Variants in PPM1A observed in about 807,000 individuals in gnomAD.
The protein encoded by PPM1A is protein phosphatase, Mg2+/Mn2+ dependent 1A.
In PPM1A, 7 loss-of-function variants were observed where a neutral mutation model predicts 35.0. The observed-to-expected ratio is 0.20, with a 90% CI of 0.11 to 0.38. The LOEUF (loss-of-function observed/expected upper bound fraction) is 0.38, where lower values mean the gene tolerates loss of function less well. Among genes scored for constraint, PPM1A ranks in the 10% least tolerant of loss-of-function variants. The pLI is 1.00. For synonymous variants in PPM1A, 153 were observed against 167.3 expected (o/e 0.91, Z 0.66); for missense variants, 239 against 467.8 (o/e 0.51, Z 4.51).
rs1887453964 is a variant in PPM1A at position 60,289,938 on chromosome 14, T to C, written c.1061+24T>C. The C allele has an allele frequency of 7.0e-7, 1 of 1,420,850 alleles. No homozygotes were observed. Among genetic ancestry groups the C allele is most frequent in the African/African-American group, 1.5e-5 (1 of 67,320 alleles). 88.0% of individuals were successfully genotyped at this position (1,420,850 alleles called of 1,614,324 possible). ...AAGTAAGTTACATTCTGTACACTCT[T>C]ATGCTTTATGTCAGTGTATGAAAAT... is the stretch of plus-strand genomic sequence containing the variant. On this transcript the variant is annotated intron_variant, in intron 4 of 5. Coordinates refer to ENST00000395076, the MANE Select transcript of PPM1A (RefSeq NM_021003.5). This position sits in a 1 kb window ranked among gnomAD's most constrained non-coding sequence, Gnocchi z 4.1.
At chr14:60,261,339 A>G (rs1883721180) in intron 1 of PPM1A, among the ~76,000 whole-genome samples, 1 of 152,158 alleles carries the variant, frequency 6.6e-6, no homozygotes, top group African/African-American at 2.4e-5. Context: ...GGAAGGAATA[A>G]AAGGCAAAGA....
At chr14:60,285,951 G>A in intron 3 of PPM1A, 1 of 1,257,858 alleles carries the variant, frequency 8.0e-7, no homozygotes, top group Non-Finnish European at 1.0e-6. Flanking sequence ...AGTGTGGAAA[G>A]TAACCCACAT....
upstream of PPM1A, among the ~76,000 whole-genome samples, chr14:60,247,494 G>T (rs1479762824): frequency 6.6e-6 from 1 of 151,898 alleles, no homozygotes; most frequent in Non-Finnish European, 1.5e-5. Context: ...GCCAGGCGTG[G>T]TGGCAGGCGC....
At chr14:60,246,514 G>A (rs1363573305), upstream of PPM1A, among the ~76,000 whole-genome samples, 1 of 152,100 alleles carries the variant, frequency 6.6e-6, no homozygotes, top group Non-Finnish European at 1.5e-5. Context: ...TTACTAAAAT[G>A]TCATCATCAT....
upstream of PPM1A, among the ~76,000 whole-genome samples, chr14:60,246,668 T>C (rs1200533610): frequency 6.6e-6 from 1 of 152,068 alleles, no homozygotes; most frequent in Non-Finnish European, 1.5e-5. Flanking sequence ...CTTCTTAGCA[T>C]AAGGTTTAAT....
upstream of PPM1A, among the ~76,000 whole-genome samples, chr14:60,249,094 A>G (rs1477416687): frequency 6.6e-6 from 1 of 151,726 alleles, no homozygotes; most frequent in Admixed American, 6.6e-5. The surrounding 1 kb of genome is among the most constrained non-coding windows in gnomAD (Gnocchi z 4.5). Flanking sequence ...CTGCCCAACG[A>G]CATCCGGGTC....
Position 60,249,591 on chromosome 14 carries a change from G to A in PPM1A, c.-107G>A, listed in dbSNP as rs1172807155. On this transcript the variant is annotated 5_prime_UTR_variant, in exon 1 of 6. Transcript: ENST00000395076. The surrounding 1 kb of genome is among the most constrained non-coding windows in gnomAD (Gnocchi z 4.5). ...AGCGGTGACCCCTCCCCCGGCTGCC[G>A]CCGTCGCCGCCGCGGTGACCCCCTC... 4.1e-6 allele frequency: 4 copies of A among 986,732 alleles called. No homozygotes were observed. Among genetic ancestry groups the A allele is most frequent in the Non-Finnish European group, 4.8e-6 (4 of 831,500 alleles). The allele number at this position is 986,732 out of a possible 1,614,324, so 61.1% of individuals were successfully genotyped here. A position where few individuals can be genotyped will look rare whatever the true frequency, so the allele number is the denominator to read the frequency against.
At chr14:60,255,506 A>T (rs979713440) in intron 1 of PPM1A, among the ~76,000 whole-genome samples, 20 of 152,360 alleles carry the variant, frequency 1.3e-4, no homozygotes, top group African/African-American at 4.6e-4. Flanking sequence ...TTGTGTCTAA[A>T]TTATAATTGC....
Position 60,273,354 on chromosome 14 carries a change from T to C in PPM1A, c.-20-9330T>C, listed in dbSNP as rs1885386570. 6.6e-6 allele frequency among the ~76,000 whole-genome samples: 1 copy of C among 151,988 alleles called. No homozygotes were observed. Among genetic ancestry groups the C allele is most frequent in the Non-Finnish European group, 1.5e-5 (1 of 68,024 alleles). ...AGGTAGGGAAAGTAGCATTTGTTTA[T>C]ATATTTGGAGGAAGGAAGTATGATG... On this transcript the variant is annotated intron_variant, in intron 1 of 5. Transcript: ENST00000395076. The surrounding 1 kb of genome is among the most constrained non-coding windows in gnomAD (Gnocchi z 4.3).
chr14:60,268,165 A>T (rs1884615888), intron 1 of PPM1A: 1 of 310,164 alleles, frequency 3.2e-6, no homozygotes. Context: ...CACATATTAC[A>T]GTTTGTTGTG....
intron 3 of PPM1A, chr14:60,288,129 A>G: frequency 1.0e-6 from 1 of 985,020 alleles, no homozygotes; most frequent in Non-Finnish European, 1.2e-6. Flanking sequence ...CAGGTAGTTT[A>G]AATGCGTTGT....
At chr14:60,250,374 T>C (rs1882239603) in intron 1 of PPM1A, 2 of 967,952 alleles carry the variant, frequency 2.1e-6, no homozygotes, top group Admixed American at 6.2e-5. Flanking sequence ...TCTGTTCTGC[T>C]TGTAGATTTT....
rs1886495924 is a variant in PPM1A, at chr14:60,282,325, T to C, written c.-20-359T>C. ...GGTATGTCATGAATTCGTTTGGCTT[T>C]TCTTAATTGATATACATACAACTTA... On this transcript the variant is annotated intron_variant, in intron 1 of 5. Coordinates refer to ENST00000395076, the MANE Select transcript of PPM1A (RefSeq NM_021003.5). The surrounding 1 kb of genome is among the most constrained non-coding windows in gnomAD (Gnocchi z 5.1). Among the ~76,000 whole-genome samples the C allele has an allele frequency of 6.6e-6, 1 of 152,260 alleles. No individual in the cohort carries two copies. The highest frequency in any genetic ancestry group is 2.4e-5 in the African/African-American group (1 of 41,464).
Position 60,249,627 on chromosome 14 carries a change from G to A in PPM1A, c.-71G>A, listed in dbSNP as rs1051934280. 3.0e-6 allele frequency: 3 copies of A among 984,414 alleles called. No homozygotes were observed. Among genetic ancestry groups the A allele is most frequent in the Admixed American group, 6.3e-5 (1 of 15,852 alleles). 61.0% of individuals were successfully genotyped at this position (984,414 alleles called of 1,614,324 possible). Reference sequence around the variant, plus strand: ...CGCGGTGACCCCCTCCCCGGCTGCCGCCGCCGCCGCCTCGGCCGACCAGGG... The same window carrying A: ...CGCGGTGACCCCCTCCCCGGCTGCCACCGCCGCCGCCTCGGCCGACCAGGG... On this transcript the variant is annotated 5_prime_UTR_variant, in exon 1 of 6. Transcript: ENST00000395076. The surrounding 1 kb of genome is among the most constrained non-coding windows in gnomAD (Gnocchi z 4.5).
At chr14:60,277,733 C>T (rs1192349276) in intron 1 of PPM1A, among the ~76,000 whole-genome samples, 2 of 152,114 alleles carry the variant, frequency 1.3e-5, no homozygotes, top group Admixed American at 6.5e-5. Context: ...TAAACAGTGC[C>T]TGTTTGCTGA....
chr14:60,253,227 G>A (rs539763324), intron 1 of PPM1A, among the ~76,000 whole-genome samples: 327 of 152,224 alleles, frequency 2.1e-3, no homozygotes, highest in African/African-American at 7.4e-3. Flanking sequence ...GATTAAAAGT[G>A]ATTAGTTTCT....
chr14:60,267,442 A>G (rs949224531), intron 1 of PPM1A, among the ~76,000 whole-genome samples: 1 of 152,054 alleles, frequency 6.6e-6, no homozygotes, highest in Admixed American at 6.5e-5. Context: ...AATGATCCCT[A>G]TTTGGTGATT....
In PPM1A at chr14:60,294,833, A is replaced by G. The variant is rs1236875288; in HGVS notation, c.*2351A>G. On this transcript the variant is annotated 3_prime_UTR_variant, in exon 6 of 6. Transcript: ENST00000395076. ...TATTTGAGTGATGTGAGAAGACTAA[A>G]TCTTTTCCACATGAGTCAGCACTGC... 1 of 151,844 alleles carries G rather than the reference A, an allele frequency of 6.6e-6. No homozygotes were observed. Among genetic ancestry groups the G allele is most frequent in the East Asian group, 1.9e-4 (1 of 5,194 alleles). 9.4% of individuals were successfully genotyped at this position (151,844 alleles called of 1,614,324 possible).
chr14:60,278,596 G>C (rs957516444), intron 1 of PPM1A, among the ~76,000 whole-genome samples: 1 of 152,152 alleles, frequency 6.6e-6, no homozygotes, highest in African/African-American at 2.4e-5. Flanking sequence ...ATTCGACAAA[G>C]ATTGAACTTC....
Sources: allele counts gnomAD v4.1 joint callset (sites outside exome capture counted in the v4.1 genomes callset), GRCh38; gene constraint gnomAD v4.1.1; non-coding constraint Gnocchi (gnomAD v3.1); transcripts MANE v1.5; gene names NCBI Gene and HGNC (gene_info 2026-07-23, HGNC 2026-07-21).